Variants in DCDC1 observed in about 807,000 individuals in gnomAD.
DCDC1 encodes the protein doublecortin domain containing 1, also known as doublecortin domain-containing protein 1.
DCDC1 carries 200 observed loss-of-function variants against 178.3 expected under a neutral mutation model. The ratio of observed to expected loss-of-function variants is 1.12; its 90% CI spans 1.00 to 1.26. DCDC1 has a LOEUF of 1.26. DCDC1 is among the 50% of genes most tolerant of loss of function. The pLI is 0.00. For synonymous variants in DCDC1, 690 were observed against 604.8 expected (o/e 1.14, Z -2.07); for missense variants, 1,983 against 1,749.2 (o/e 1.13, Z -2.38).
At chr11:31,278,573 G>T (rs2137251070) in intron 7 of DCDC1, among the ~76,000 whole-genome samples, 1 of 152,132 alleles carries the variant, frequency 6.6e-6, no homozygotes, top group South Asian at 2.1e-4. Context: ...CAGACAGGAG[G>T]TATAAGTTCA....
chr11:31,146,387 T>G (rs971590090), intron 9 of DCDC1, among the ~76,000 whole-genome samples: 3 of 152,146 alleles, frequency 2.0e-5, no homozygotes, highest in African/African-American at 4.8e-5. Context: ...TGCCCAGCCC[T>G]AGTCATTTAA....
At position 30,920,771 on chromosome 11, in the gene DCDC1, C is replaced by T. The variant is rs1946195806; in HGVS notation, c.3293+5G>A. 6.2e-7 allele frequency: 1 copy of T among 1,613,060 alleles called. No individual in the cohort carries two copies. Among genetic ancestry groups the T allele is most frequent in the Middle Eastern group, 1.7e-4 (1 of 6,060 alleles). On this transcript the variant is annotated splice_donor_5th_base_variant and intron_variant, in intron 25 of 38. Coordinates refer to ENST00000684477, the MANE Select transcript of DCDC1 (RefSeq NM_001387274.1). ...GTAGCTTTTCAGGCTACACTGATTA[C>T]TTACAGAATTTCACTGGAAGCATTT...
chr11:31,008,399 A>T (rs1951978863), intron 20 of DCDC1, among the ~76,000 whole-genome samples: 1 of 152,130 alleles, frequency 6.6e-6, no homozygotes, highest in Non-Finnish European at 1.5e-5. Flanking sequence ...GGGTAGTGAG[A>T]GTCTCTTAAA....
intron 9 of DCDC1, among the ~76,000 whole-genome samples, chr11:31,240,705 T>A (rs1977023087): frequency 6.6e-6 from 1 of 152,050 alleles, no homozygotes; most frequent in Non-Finnish European, 1.5e-5. Context: ...TAAAAACATG[T>A]GCTTCGATTC....
At chr11:31,140,963 A>G (rs1177288635) in intron 9 of DCDC1, among the ~76,000 whole-genome samples, 3 of 152,164 alleles carry the variant, frequency 2.0e-5, no homozygotes, top group African/African-American at 7.2e-5. Flanking sequence ...TTGTGACCAT[A>G]ATTAAAAGTG....
intron 9 of DCDC1, among the ~76,000 whole-genome samples, chr11:31,173,696 A>G (rs1377987458): frequency 6.6e-6 from 1 of 151,958 alleles, no homozygotes; most frequent in Non-Finnish European, 1.5e-5. Flanking sequence ...AATTACTACA[A>G]TCAATTCTAA....
At chr11:30,963,271 CAG>C (rs1949225900) in intron 20 of DCDC1, among the ~76,000 whole-genome samples, 1 of 152,064 alleles carries the variant, frequency 6.6e-6, no homozygotes, top group Admixed American at 6.6e-5. Context: ...CGAGTAAAGA[CAG>C]AGTTCGAGCT....
intron 8 of DCDC1, among the ~76,000 whole-genome samples, chr11:31,242,037 T>C (rs920743408): frequency 2.0e-5 from 3 of 151,976 alleles, no homozygotes; most frequent in African/African-American, 7.2e-5. Flanking sequence ...ACCTAAAACA[T>C]CGCATCTGGA....
intron 9 of DCDC1, among the ~76,000 whole-genome samples, chr11:31,181,650 A>G (rs1042468978): frequency 5.3e-5 from 8 of 152,232 alleles, no homozygotes; most frequent in African/African-American, 1.7e-4. Flanking sequence ...GAAAACTAAC[A>G]AAAAGAAAGA....
At chr11:31,229,238 A>G (rs1481388301) in intron 9 of DCDC1, among the ~76,000 whole-genome samples, 1 of 152,150 alleles carries the variant, frequency 6.6e-6, no homozygotes, top group East Asian at 1.9e-4. Flanking sequence ...AATACATCTC[A>G]ACTCATTTGA....
chr11:31,148,752 T>G (rs1170116908), intron 9 of DCDC1, among the ~76,000 whole-genome samples: 1 of 152,162 alleles, frequency 6.6e-6, no homozygotes, highest in Non-Finnish European at 1.5e-5. Flanking sequence ...TCCACTTCTT[T>G]TTTTATTTCA....
At chr11:31,158,436 G>A (rs1266137469) in intron 9 of DCDC1, among the ~76,000 whole-genome samples, 2 of 152,004 alleles carry the variant, frequency 1.3e-5, no homozygotes. Context: ...CATTGTTTTT[G>A]ACTATGGTCA....
chr11:31,155,366 T>C (rs1965612428), intron 9 of DCDC1, among the ~76,000 whole-genome samples: 1 of 152,364 alleles, frequency 6.6e-6, no homozygotes, highest in Non-Finnish European at 1.5e-5. Context: ...ACTGTCTCAC[T>C]TATCTTTAAG....
At chr11:31,222,794 A>T (rs1591462519) in intron 9 of DCDC1, among the ~76,000 whole-genome samples, 1 of 152,200 alleles carries the variant, frequency 6.6e-6, no homozygotes, top group Non-Finnish European at 1.5e-5. Flanking sequence ...CTATTGGATC[A>T]GGGCCCTACC....
intron 32 of DCDC1, among the ~76,000 whole-genome samples, chr11:30,902,923 A>G (rs981069686): frequency 1.3e-5 from 2 of 152,200 alleles, no homozygotes; most frequent in African/African-American, 2.4e-5. Flanking sequence ...AGCTATAAAC[A>G]GATCATTATC....
chr11:30,936,834 T>C (rs147584555), intron 21 of DCDC1, among the ~76,000 whole-genome samples: 178 of 152,330 alleles, frequency 1.2e-3, no homozygotes, highest in Non-Finnish European at 1.7e-3. Flanking sequence ...TGGTGATACG[T>C]AGGTTCTAAT....
chr11:31,097,163 T>C (rs770337840), intron 15 of DCDC1, among the ~76,000 whole-genome samples: 4 of 152,242 alleles, frequency 2.6e-5, no homozygotes, highest in Non-Finnish European at 4.4e-5. Flanking sequence ...CAGTCAATGA[T>C]AAAGCAATGC....
chr11:31,195,734 T>C (rs567065298), intron 9 of DCDC1, among the ~76,000 whole-genome samples: 1 of 152,176 alleles, frequency 6.6e-6, no homozygotes, highest in Non-Finnish European at 1.5e-5. Flanking sequence ...CCCTACTTAT[T>C]AGCTTCATAA....
chr11:31,153,079 A>T (rs1965345627), intron 9 of DCDC1, among the ~76,000 whole-genome samples: 2 of 152,152 alleles, frequency 1.3e-5, no homozygotes, highest in Non-Finnish European at 2.9e-5. Context: ...CCATACATAT[A>T]CCTATGTTTT....
Sources: gnomAD v4.1 joint callset for allele counts (sites outside exome capture counted in the v4.1 genomes callset) on GRCh38, gnomAD v4.1.1 for gene constraint, MANE v1.5 for transcripts, NCBI Gene and HGNC (gene_info 2026-07-23, HGNC 2026-07-21) for gene names.